Variants in MARCHF1 observed in about 807,000 individuals in gnomAD.
The protein encoded by MARCHF1 is membrane associated ring-CH-type finger 1.
In MARCHF1, 40 loss-of-function variants were observed where a neutral mutation model predicts 54.2. The observed-to-expected ratio is 0.74, with a 90% CI of 0.57 to 0.96. The LOEUF (loss-of-function observed/expected upper bound fraction) is 0.96, where lower values mean the gene tolerates loss of function less well. Ranked by LOEUF, MARCHF1 falls within the 40% of genes least tolerant of loss-of-function variation. The pLI is 0.00. For synonymous variants in MARCHF1, 236 were observed against 236.3 expected (o/e 1.00, Z 0.01); for missense variants, 586 against 656.5 (o/e 0.89, Z 1.17).
chr4:164,313,811 C>G (rs1324098939), intron 1 of MARCHF1, among the ~76,000 whole-genome samples: 3 of 152,146 alleles, frequency 2.0e-5, no homozygotes, highest in Admixed American at 2.0e-4. Context: ...TCTGAGCCTC[C>G]TTCCTTTCCC....
intron 4 of MARCHF1, among the ~76,000 whole-genome samples, chr4:163,768,179 C>G (rs913662304): frequency 2.6e-5 from 4 of 152,148 alleles, no homozygotes. Flanking sequence ...TGTCTAGGAG[C>G]TTGCGCAATC....
At chr4:163,623,630 A>C (rs1741763935) in intron 5 of MARCHF1, among the ~76,000 whole-genome samples, 1 of 152,160 alleles carries the variant, frequency 6.6e-6, no homozygotes, top group South Asian at 2.1e-4. Context: ...GGAAAATTCT[A>C]AGAGATACTT....
At position 163,837,339 on chromosome 4, in the gene MARCHF1, G is replaced by C. The variant is rs188103072; in HGVS notation, c.111+16682C>G. On this transcript the variant is annotated intron_variant, in intron 4 of 9. Coordinates refer to ENST00000514618, the MANE Select transcript of MARCHF1 (RefSeq NM_001394959.1). ...AATACAAAAAAAAAGTAAGATAGTAGACTTAAACACCAATATTAAAAGTCA... is the reference window on the plus strand; with the variant it reads ...AATACAAAAAAAAAGTAAGATAGTACACTTAAACACCAATATTAAAAGTCA... 1.6e-4 allele frequency among the ~76,000 whole-genome samples: 24 copies of C among 152,176 alleles called. No homozygotes were observed. In the East Asian group the frequency reaches 4.6e-3, roughly 29 times the overall value.
rs933790811 is a variant in MARCHF1 at position 164,320,632 on chromosome 4, A to G, written c.-323+63238T>C. Among the ~76,000 whole-genome samples, 4 of 152,224 alleles carry G rather than the reference A, an allele frequency of 2.6e-5. No homozygotes were observed. The East Asian group carries it at 5.8e-4, about 22-fold the overall frequency. ...ATACATTATACTTACAAGCAAACACACAGAGAAGACTGAAAACAGAAAACC... is the reference window on the plus strand; with the variant it reads ...ATACATTATACTTACAAGCAAACACGCAGAGAAGACTGAAAACAGAAAACC... On this transcript the variant is annotated intron_variant, in intron 1 of 9. Coordinates refer to ENST00000514618, the MANE Select transcript of MARCHF1 (RefSeq NM_001394959.1).
chr4:163,842,715 T>C (rs933710685), intron 4 of MARCHF1, among the ~76,000 whole-genome samples: 25 of 152,188 alleles, frequency 1.6e-4, no homozygotes, highest in African/African-American at 6.0e-4. Flanking sequence ...GCTTTTATCA[T>C]GTTATTTTTC....
intron 1 of MARCHF1, among the ~76,000 whole-genome samples, chr4:164,179,513 A>G (rs1366273446): frequency 6.6e-6 from 1 of 152,192 alleles, no homozygotes; most frequent in Non-Finnish European, 1.5e-5. Context: ...CTAAAGCGGT[A>G]CAGAAACCAC....
chr4:164,057,781 T>C (rs995604416), intron 2 of MARCHF1, among the ~76,000 whole-genome samples: 9 of 152,202 alleles, frequency 5.9e-5, no homozygotes, highest in Non-Finnish European at 1.3e-4. Context: ...TAAACTATCT[T>C]AATAAGGCAC....
chr4:163,899,540 C>A (rs1053288516), intron 3 of MARCHF1, among the ~76,000 whole-genome samples: 4 of 152,070 alleles, frequency 2.6e-5, no homozygotes, highest in African/African-American at 4.8e-5. Context: ...GCTGTGTCCT[C>A]AGATCTCTTC....
chr4:164,147,378 GT>G (rs1275057693), intron 1 of MARCHF1, among the ~76,000 whole-genome samples: 3 of 146,140 alleles, frequency 2.1e-5, no homozygotes, highest in Non-Finnish European at 3.0e-5. Context: ...GCGCACGTAT[GT>G]TTATTGCAGC....
At chr4:163,897,948 C>T (rs1384791356) in intron 3 of MARCHF1, among the ~76,000 whole-genome samples, 1 of 150,204 alleles carries the variant, frequency 6.7e-6, no homozygotes, top group Non-Finnish European at 1.5e-5. Context: ...GTAGTCCCAG[C>T]TACTTGGGAG....
At chr4:164,262,934 T>A (rs1225611245) in intron 1 of MARCHF1, among the ~76,000 whole-genome samples, 1 of 152,138 alleles carries the variant, frequency 6.6e-6, no homozygotes, top group Non-Finnish European at 1.5e-5. Context: ...GGTCTAGTAA[T>A]GCTAAGGATA....
intron 1 of MARCHF1, among the ~76,000 whole-genome samples, chr4:164,354,716 C>T (rs1320057979): frequency 6.9e-6 from 1 of 145,082 alleles, no homozygotes; most frequent in Non-Finnish European, 1.5e-5. Flanking sequence ...GACAGGGATG[C>T]CCTCTCTCAC....
chr4:163,613,467 A>G, intron 5 of MARCHF1, 74 bp from the exon 6 acceptor site: 2 of 1,612,470 alleles, frequency 1.2e-6, no homozygotes, highest in South Asian at 1.1e-5. Flanking sequence ...TTTTTTCCAC[A>G]TATTTAAAAA....
intron 4 of MARCHF1, among the ~76,000 whole-genome samples, chr4:163,795,744 C>T (rs1220456996): frequency 6.6e-6 from 1 of 152,104 alleles, no homozygotes; most frequent in Non-Finnish European, 1.5e-5. Context: ...GACCTTTGAA[C>T]AATGTGACAG....
chr4:163,733,171 A>ATGTG (rs770554772), intron 4 of MARCHF1, among the ~76,000 whole-genome samples: 4,870 of 44,742 alleles, frequency 0.11, 848 homozygotes, highest in East Asian at 0.39. Context: ...CTCTCTCTGT[A>ATGTG]TGTGTGTATA....
intron 1 of MARCHF1, among the ~76,000 whole-genome samples, chr4:164,145,344 C>A (rs1387303512): frequency 6.6e-6 from 1 of 151,984 alleles, no homozygotes; most frequent in Non-Finnish European, 1.5e-5. Context: ...CATCCTGATA[C>A]CAAAGCCGGG....
In MARCHF1 at chr4:163,935,112, CAG is replaced by C. The variant is rs551723417; in HGVS notation, c.-39+53387_-39+53388del. ...TCCTTGTATATCTCCATCAGAGCTC[CAG>C]AGTCATCTAGGATTTGTTGCTTAAT... On this transcript the variant is annotated intron_variant, in intron 3 of 9. Coordinates refer to ENST00000514618, the MANE Select transcript of MARCHF1 (RefSeq NM_001394959.1). Among the ~76,000 whole-genome samples, 754 of 152,116 alleles carry C rather than the reference CAG, an allele frequency of 5.0e-3. 29 individuals carry two copies. Among genetic ancestry groups the C allele is most frequent in the Non-Finnish European group, 7.5e-4 (51 of 67,992 alleles).
intron 1 of MARCHF1, among the ~76,000 whole-genome samples, chr4:164,169,846 C>G (rs1730477092): frequency 1.3e-5 from 2 of 152,042 alleles, no homozygotes; most frequent in Non-Finnish European, 2.9e-5. Context: ...TCACTTTATA[C>G]CTTATATATC....
chr4:164,010,548 T>C (rs1753399473), intron 2 of MARCHF1, among the ~76,000 whole-genome samples: 1 of 151,930 alleles, frequency 6.6e-6, no homozygotes, highest in African/African-American at 2.4e-5. Flanking sequence ...ATAAAATACC[T>C]AGAAATAAAC....
Sources: gnomAD v4.1 joint callset for allele counts (sites outside exome capture counted in the v4.1 genomes callset) on GRCh38, gnomAD v4.1.1 for gene constraint, MANE v1.5 for transcripts, NCBI Gene and HGNC (gene_info 2026-07-23, HGNC 2026-07-21) for gene names.